Variants in CPED1 observed in about 807,000 individuals in gnomAD.
The protein encoded by CPED1 is cadherin-like and PC-esterase domain-containing protein 1.
A neutral mutation model predicts 128.2 loss-of-function variants in CPED1; 114 were observed. The observed-to-expected ratio is 0.89, with a 90% CI of 0.76 to 1.04. The LOEUF (loss-of-function observed/expected upper bound fraction) is 1.04, where lower values mean the gene tolerates loss of function less well. CPED1 is among the 50% of genes least tolerant of loss of function. CPED1 has a pLI of 0.00. For synonymous variants in CPED1, 462 were observed against 426.7 expected (o/e 1.08, Z -1.02); for missense variants, 1,211 against 1,207.1 (o/e 1.00, Z -0.05).
intron 16 of CPED1, among the ~76,000 whole-genome samples, chr7:121,200,746 G>C (rs1563063366): frequency 6.6e-6 from 1 of 151,876 alleles, no homozygotes; most frequent in Non-Finnish European, 1.5e-5. Context: ...GAAACAGAAA[G>C]TTTGATACAG....
chr7:120,997,929 AAATAAAATAAAATAAAAT>A (rs1444018352), intron 2 of CPED1, among the ~76,000 whole-genome samples: 6 of 5,176 alleles, frequency 1.2e-3, no homozygotes, highest in African/African-American at 2.9e-3. Context: ...TCTCGAAAAA[AAATAAAATAAAATAAAAT>A]AAAATAAAAT....
At chr7:121,291,843 T>A (rs1375239675) in intron 22 of CPED1, among the ~76,000 whole-genome samples, 1 of 152,240 alleles carries the variant, frequency 6.6e-6, no homozygotes, top group Non-Finnish European at 1.5e-5. Context: ...CTATGTTGAA[T>A]AAGAGCAGTG....
At chr7:121,010,314 C>T (rs866630246) in intron 2 of CPED1, among the ~76,000 whole-genome samples, 1 of 152,036 alleles carries the variant, frequency 6.6e-6, no homozygotes. Flanking sequence ...TGCAGTGGCA[C>T]GATCTCAGCT....
At chr7:121,217,326 T>G (rs528776894) in intron 16 of CPED1, among the ~76,000 whole-genome samples, 18 of 152,148 alleles carry the variant, frequency 1.2e-4, no homozygotes, top group African/African-American at 4.3e-4. Context: ...GCTTGTGATT[T>G]CAATGGAAAT....
intron 2 of CPED1, among the ~76,000 whole-genome samples, chr7:120,990,481 A>T (rs555524388): frequency 1.9e-3 from 297 of 152,336 alleles, no homozygotes; most frequent in Non-Finnish European, 3.4e-3. Flanking sequence ...TATTTATACT[A>T]TTCAGATAAA....
intron 16 of CPED1, among the ~76,000 whole-genome samples, chr7:121,165,692 C>T (rs180790864): frequency 6.6e-6 from 1 of 152,290 alleles, no homozygotes; most frequent in African/African-American, 2.4e-5. Flanking sequence ...GGATGATTAA[C>T]CACCACTAAG....
chr7:121,231,882 C>G (rs1286301945), intron 16 of CPED1, among the ~76,000 whole-genome samples: 1 of 152,042 alleles, frequency 6.6e-6, no homozygotes, highest in Non-Finnish European at 1.5e-5. Context: ...AATATTCTAG[C>G]ATTTGTACAA....
chr7:121,052,986 T>C (rs1236481734), intron 4 of CPED1, among the ~76,000 whole-genome samples: 1 of 152,170 alleles, frequency 6.6e-6, no homozygotes, highest in Non-Finnish European at 1.5e-5. Flanking sequence ...CCCAAAGTGC[T>C]GGGATTACAG....
chr7:121,127,266 A>G lies in CPED1; in HGVS notation c.1302+9A>G. On this transcript the variant is annotated intron_variant, in intron 10 of 22. Transcript: ENST00000310396. ...GATCAGATGTTTTCAAGGTAAGTGC[A>G]TATTTGTGTACTGATAAATATTTTT... The G allele has an allele frequency of 1.3e-6, 2 of 1,524,908 alleles. No homozygotes were observed. The highest frequency in any genetic ancestry group is 1.4e-5 in the African/African-American group (1 of 72,238). 94.5% of individuals were successfully genotyped at this position (1,524,908 alleles called of 1,614,324 possible). A position where few individuals can be genotyped will look rare whatever the true frequency, so the allele number is the denominator to read the frequency against.
At chr7:121,067,012 T>C (rs1353654889) in intron 5 of CPED1, among the ~76,000 whole-genome samples, 1 of 152,070 alleles carries the variant, frequency 6.6e-6, no homozygotes, top group Non-Finnish European at 1.5e-5. Flanking sequence ...CATCATTTTA[T>C]ATGAGGAACT....
Position 121,131,341 on chromosome 7 carries a change from TTTTG to T in CPED1, c.1577+1051_1577+1054del, listed in dbSNP as rs1209578928. On this transcript the variant is annotated intron_variant, in intron 12 of 22. Coordinates refer to ENST00000310396, the MANE Select transcript of CPED1 (RefSeq NM_024913.5). The stretch of plus-strand genomic sequence containing the variant: ...TGGAAGTAGTAGGCCCAGCAGAAGG[TTTTG>T]TTTATGTGTTTGAAAATTAGGTTTT... Among the ~76,000 whole-genome samples the T allele has an allele frequency of 2.6e-5, 4 of 152,010 alleles. No homozygotes were observed. In the East Asian group the frequency reaches 7.7e-4, roughly 29 times the overall value.
chr7:121,153,303 A>T lies in CPED1; in HGVS notation c.2055+11162A>T, dbSNP rs1796201530. On this transcript the variant is annotated intron_variant, in intron 16 of 22. Coordinates refer to ENST00000310396, the MANE Select transcript of CPED1 (RefSeq NM_024913.5). ...TCAACTAAATGAGAAAATGAGTCTT[A>T]GCCTACATGATTTCAACCAAAACTG... Among the ~76,000 whole-genome samples, 5 of 152,220 alleles carry T rather than the reference A, an allele frequency of 3.3e-5. No homozygotes were observed. The South Asian group carries it at 1.0e-3, about 31-fold the overall frequency.
intron 16 of CPED1, among the ~76,000 whole-genome samples, chr7:121,172,244 T>C (rs1796663086): frequency 6.6e-6 from 1 of 152,150 alleles, no homozygotes; most frequent in Non-Finnish European, 1.5e-5. Context: ...TGGAGAGACA[T>C]ATATTTATAG....
chr7:121,022,110 C>T (rs903405904), intron 3 of CPED1, among the ~76,000 whole-genome samples: 1 of 151,654 alleles, frequency 6.6e-6, no homozygotes, highest in African/African-American at 2.4e-5. Flanking sequence ...TTATGCTTAT[C>T]ATTTATAACC....
Position 121,142,066 on chromosome 7 carries a change from C to T in CPED1, c.1980C>T (p.Tyr660=). The T allele has an allele frequency of 6.2e-7, 1 of 1,612,770 alleles. No homozygotes were observed. Among genetic ancestry groups the T allele is most frequent in the Non-Finnish European group, 8.5e-7 (1 of 1,179,054 alleles). Residue 660 remains tyrosine (Y), a synonymous_variant, in exon 16 of 23, where the codon TAC becomes TAT. Coordinates refer to ENST00000310396, the MANE Select transcript of CPED1 (RefSeq NM_024913.5). ...CACACGGTGAGACTCTGATCACGTA[C>T]AAACTCACCATCTATAGAGAAGACC... ...SPAHGETLIT[Y]KLTIYREDRP...
chr7:121,162,761 C>G (rs577631009), intron 16 of CPED1, among the ~76,000 whole-genome samples: 1 of 152,308 alleles, frequency 6.6e-6, no homozygotes, highest in African/African-American at 2.4e-5. Flanking sequence ...TGGGAGCCTT[C>G]AGGCAACTGC....
chr7:121,274,833 G>A (rs769405080), intron 22 of CPED1, among the ~76,000 whole-genome samples: 34 of 152,064 alleles, frequency 2.2e-4, no homozygotes, highest in Non-Finnish European at 3.8e-4. Flanking sequence ...TCTTTATAGA[G>A]GACATTTGAT....
intron 7 of CPED1, among the ~76,000 whole-genome samples, chr7:121,101,816 A>G (rs905664470): frequency 1.3e-5 from 2 of 152,024 alleles, no homozygotes; most frequent in Non-Finnish European, 2.9e-5. Context: ...CCTGTGAACT[A>G]ATAGAGGGAG....
chr7:121,087,046 C>T (rs1794441593), intron 5 of CPED1, among the ~76,000 whole-genome samples: 1 of 152,200 alleles, frequency 6.6e-6, no homozygotes, highest in African/African-American at 2.4e-5. Flanking sequence ...GAAAGCTGAG[C>T]ATTACATTGT....
Sources: gnomAD v4.1 joint callset for allele counts (sites outside exome capture counted in the v4.1 genomes callset) on GRCh38, gnomAD v4.1.1 for gene constraint, MANE v1.5 for transcripts, NCBI Gene and HGNC (gene_info 2026-07-23, HGNC 2026-07-21) for gene names.